Variants in AFF4 observed in about 807,000 individuals in gnomAD.
AFF4 encodes AF4/FMR2 family member 4.
A neutral mutation model predicts 124.8 loss-of-function variants in AFF4; 13 were observed. That is an observed-to-expected ratio of 0.10 (90% CI 0.07 to 0.17). The LOEUF (loss-of-function observed/expected upper bound fraction) is 0.17. Ranked by LOEUF, AFF4 falls within the 10% of genes least tolerant of loss-of-function variation. The pLI is 1.00. For missense variants in AFF4, 1,092 were observed against 1,403.8 expected (o/e 0.78, Z 3.55); for synonymous variants, 477 against 496.1 (o/e 0.96, Z 0.51).
intron 5 of AFF4, among the ~76,000 whole-genome samples, chr5:132,925,740 T>A (rs548992111): frequency 1.3e-5 from 2 of 152,334 alleles, no homozygotes; most frequent in African/African-American, 4.8e-5. Flanking sequence ...CACTGCTGTT[T>A]AATAATATCA....
intron 20 of AFF4, 27 bp downstream of exon 20, chr5:132,883,313 T>C (rs753066885): frequency 6.2e-7 from 1 of 1,601,714 alleles, no homozygotes; most frequent in East Asian, 2.2e-5. Context: ...ATTCCATCCC[T>C]TGAAGTTTAT....
intron 13 of AFF4, 150 bp downstream of exon 13, chr5:132,892,014 T>C (rs528799062): frequency 8.5e-7 from 1 of 1,182,664 alleles, no homozygotes; most frequent in African/African-American, 1.5e-5. Flanking sequence ...ACTGTATTCA[T>C]TTATCAGGAT....
At chr5:132,918,997 C>T (rs1313354036) in intron 5 of AFF4, among the ~76,000 whole-genome samples, 6 of 151,920 alleles carry the variant, frequency 3.9e-5, no homozygotes, top group Non-Finnish European at 8.8e-5. Context: ...ACTCCTGCCT[C>T]AGCCTCCTGA....
At chr5:132,903,157 A>G (rs1018425035) in intron 6 of AFF4, among the ~76,000 whole-genome samples, 15 of 152,226 alleles carry the variant, frequency 9.9e-5, no homozygotes, top group African/African-American at 3.6e-4. Flanking sequence ...GGAAACAAAA[A>G]GAAGAGAGAA....
At chr5:132,898,469 A>C in intron 9 of AFF4, 77 bp from the exon 10 acceptor site, 1 of 1,440,658 alleles carries the variant, frequency 6.9e-7, no homozygotes. Flanking sequence ...TCGACAACCA[A>C]CTTTCTTTTT....
chr5:132,951,461 T>C (rs1761840296), intron 1 of AFF4, among the ~76,000 whole-genome samples: 1 of 152,202 alleles, frequency 6.6e-6, no homozygotes. Context: ...CATCTCCAAG[T>C]ATTCTCTCCC....
rs1193036675 is a variant in AFF4, at chr5:132,896,363, G to A, written c.2267C>T (p.Ala756Val). ...GCCTTTGTTGGAAACTTTTTCTGAG[G>A]CTTGTTTCTGAGCCTCTCTCGTGTG... ...EKHTREAQKQASEKVSNKGKR... is the reference protein window; with the variant it reads ...EKHTREAQKQVSEKVSNKGKR... The change falls in exon 11 of 21, where the codon GCC (alanine) becomes GTC (valine). Residue 756 changes from alanine to valine, a missense_variant. Ala to Val is a moderately conservative substitution (Grantham distance 64). Coordinates refer to ENST00000265343, the MANE Select transcript of AFF4 (RefSeq NM_014423.4). 1.2e-6 allele frequency: 2 copies of A among 1,601,190 alleles called. No individual in the cohort carries two copies. Among genetic ancestry groups the A allele is most frequent in the Admixed American group, 1.8e-5 (1 of 55,966 alleles).
intron 11 of AFF4, 114 bp downstream of exon 11, chr5:132,896,209 C>T: frequency 7.8e-7 from 1 of 1,283,152 alleles, no homozygotes; most frequent in Non-Finnish European, 1.1e-6. Context: ...TGGGTTTACC[C>T]ACTATTTTCC....
At chr5:132,902,041 ATTTCT>A (rs1156707973) in intron 7 of AFF4, among the ~76,000 whole-genome samples, 4 of 151,820 alleles carry the variant, frequency 2.6e-5, no homozygotes, top group East Asian at 1.9e-4. Context: ...TGCCTTAAAT[ATTTCT>A]TTTATTTTTT....
chr5:132,911,478 GAAC>G (rs938888964), intron 5 of AFF4, among the ~76,000 whole-genome samples: 4 of 151,190 alleles, frequency 2.6e-5, no homozygotes, highest in African/African-American at 9.7e-5. Context: ...AGACATCGCA[GAAC>G]AACAGATTAG....
intron 1 of AFF4, among the ~76,000 whole-genome samples, chr5:132,960,441 A>G (rs1194522950): frequency 6.6e-6 from 1 of 152,242 alleles, no homozygotes; most frequent in Non-Finnish European, 1.5e-5. Context: ...CCACAAAGAA[A>G]AGTCCTCATA....
rs76808519 is a variant in AFF4, at chr5:132,925,214, G to A, written c.1050+1907C>T. On this transcript the variant is annotated intron_variant, in intron 5 of 20. Coordinates refer to ENST00000265343, the MANE Select transcript of AFF4 (RefSeq NM_014423.4). ...ATAAATAAATAAATAAATAAATACC[G>A]GTGCATTTTGTATATGTAAACAAAG... 3.6e-4 allele frequency among the ~76,000 whole-genome samples: 54 copies of A among 149,560 alleles called. No homozygotes were observed. In the East Asian group the frequency reaches 9.5e-3, roughly 26 times the overall value.
At chr5:132,960,067 T>C (rs1277621683) in intron 1 of AFF4, among the ~76,000 whole-genome samples, 1 of 152,266 alleles carries the variant, frequency 6.6e-6, no homozygotes, top group South Asian at 2.1e-4. Flanking sequence ...TAGGAGCGCT[T>C]TTCTTAAACC....
At chr5:132,962,495 A>G (rs1745177564) in intron 1 of AFF4, among the ~76,000 whole-genome samples, 1 of 152,176 alleles carries the variant, frequency 6.6e-6, no homozygotes, top group Admixed American at 6.6e-5. Flanking sequence ...CTTCCTGAAA[A>G]TAATACTGTT....
chr5:132,883,698 A>AT, intron 19 of AFF4, 138 bp from the exon 20 acceptor site: 1 of 673,756 alleles, frequency 1.5e-6, no homozygotes. Context: ...GAGAGCTACA[A>AT]TTTCTTCTAA....
chr5:132,890,947 G>A (rs545079799), intron 13 of AFF4, among the ~76,000 whole-genome samples: 6 of 151,706 alleles, frequency 4.0e-5, no homozygotes, highest in Non-Finnish European at 5.9e-5. Context: ...TTTTACCTAC[G>A]AGATAGCAGA....
At chr5:132,941,980 C>T (rs2150104460) in intron 1 of AFF4, among the ~76,000 whole-genome samples, 1 of 151,404 alleles carries the variant, frequency 6.6e-6, no homozygotes, top group South Asian at 2.1e-4. Context: ...GCACTCCAGC[C>T]CGGGGAACAG....
rs764029107 is a variant in AFF4 at position 132,877,304 on chromosome 5, A to C, written c.*3755T>G. 43 of 212,074 alleles carry C rather than the reference A, an allele frequency of 2.0e-4. No homozygotes were observed. The highest frequency in any genetic ancestry group is 1.5e-3 in the Middle Eastern group (1 of 674). 13.1% of individuals were successfully genotyped at this position (212,074 alleles called of 1,614,324 possible). A position where few individuals can be genotyped will look rare whatever the true frequency, so the allele number is the denominator to read the frequency against. On this transcript the variant is annotated 3_prime_UTR_variant, in exon 21 of 21. Transcript: ENST00000265343. ...CTGTAAGAGCCCTACGACACTACAG[A>C]AGGGCTCAAATACATTTTAAAAGTT...
At chr5:132,951,609 C>T (rs1359196413) in intron 1 of AFF4, among the ~76,000 whole-genome samples, 1 of 152,166 alleles carries the variant, frequency 6.6e-6, no homozygotes, top group East Asian at 1.9e-4. Flanking sequence ...CTCACTGCAA[C>T]CTCCACATCC....
Sources: allele counts gnomAD v4.1 joint callset (sites outside exome capture counted in the v4.1 genomes callset), GRCh38; gene constraint gnomAD v4.1.1; transcripts MANE v1.5; gene names NCBI Gene and HGNC (gene_info 2026-07-23, HGNC 2026-07-21).